CAMKMT: variants seen among roughly 807,000 people sequenced by gnomAD.
CAMKMT encodes the protein CaM KMT.
Under a neutral mutation model 48.0 loss-of-function variants are expected in CAMKMT, and 53 were observed. The observed-to-expected ratio is 1.10, with a 90% CI of 0.89 to 1.39. The LOEUF (loss-of-function observed/expected upper bound fraction) is 1.39, where lower values mean the gene tolerates loss of function less well. CAMKMT is among the 40% of genes most tolerant of loss of function. The pLI is 0.00. For missense variants in CAMKMT, 428 were observed against 402.7 expected (o/e 1.06, Z -0.54); for synonymous variants, 165 against 152.3 (o/e 1.08, Z -0.61).
At chr2:44,507,689 G>C (rs1174184483) in intron 3 of CAMKMT, among the ~76,000 whole-genome samples, 1 of 152,054 alleles carries the variant, frequency 6.6e-6, no homozygotes, top group East Asian at 1.9e-4. Context: ...ACATCGCTTT[G>C]TGATAGTTAC....
chr2:44,571,159 C>T (rs936201992), intron 3 of CAMKMT, among the ~76,000 whole-genome samples: 1 of 151,978 alleles, frequency 6.6e-6, no homozygotes, highest in Non-Finnish European at 1.5e-5. Flanking sequence ...TAAATCTAGT[C>T]GTTTTTACCA....
At chr2:44,470,109 A>G (rs1350572569) in intron 3 of CAMKMT, among the ~76,000 whole-genome samples, 1 of 151,988 alleles carries the variant, frequency 6.6e-6, no homozygotes, top group Admixed American at 6.6e-5. Context: ...TTCAACTGTA[A>G]TATTTCCTGC....
At chr2:44,540,740 G>A (rs1470741847) in intron 3 of CAMKMT, among the ~76,000 whole-genome samples, 1 of 152,192 alleles carries the variant, frequency 6.6e-6, no homozygotes, top group African/African-American at 2.4e-5. Context: ...AACACAGCAA[G>A]ACCCTATCTC....
intron 3 of CAMKMT, among the ~76,000 whole-genome samples, chr2:44,487,144 A>G (rs1327494018): frequency 6.6e-6 from 1 of 152,200 alleles, no homozygotes; most frequent in Non-Finnish European, 1.5e-5. Flanking sequence ...AAAAAAGTTT[A>G]TGTTAAAGTA....
At chr2:44,420,329 T>A (rs1683846113) in intron 3 of CAMKMT, among the ~76,000 whole-genome samples, 2 of 152,152 alleles carry the variant, frequency 1.3e-5, no homozygotes, top group South Asian at 4.1e-4. Context: ...CTTTCTTTAA[T>A]CTTAGAATCC....
intron 3 of CAMKMT, among the ~76,000 whole-genome samples, chr2:44,639,131 A>G (rs1673308727): frequency 1.3e-5 from 2 of 152,218 alleles, no homozygotes; most frequent in Admixed American, 1.3e-4. Flanking sequence ...TCCAGTCAAA[A>G]CGAAATAGTC....
At chr2:44,750,664 G>A (rs1173525265) in intron 8 of CAMKMT, among the ~76,000 whole-genome samples, 1 of 152,128 alleles carries the variant, frequency 6.6e-6, no homozygotes, top group East Asian at 1.9e-4. Context: ...AGGAATCAAC[G>A]TTTTCGTCTA....
intron 3 of CAMKMT, among the ~76,000 whole-genome samples, chr2:44,481,502 A>T (rs956549050): frequency 6.6e-6 from 1 of 151,960 alleles, no homozygotes; most frequent in African/African-American, 2.4e-5. Context: ...TTCCATTTTT[A>T]TTTTTGCAAT....
chr2:44,705,141 AT>A (rs891420952), intron 4 of CAMKMT, among the ~76,000 whole-genome samples: 1 of 152,054 alleles, frequency 6.6e-6, no homozygotes, highest in African/African-American at 2.4e-5. Flanking sequence ...AATAATATGT[AT>A]TTTTTTAAGC....
chr2:44,687,601 T>C (rs1053125878), intron 3 of CAMKMT, among the ~76,000 whole-genome samples: 1 of 152,218 alleles, frequency 6.6e-6, no homozygotes, highest in East Asian at 1.9e-4. Context: ...ACCTTTCAAA[T>C]CTGCAAAAAG....
intron 3 of CAMKMT, among the ~76,000 whole-genome samples, chr2:44,431,801 T>G (rs1008257838): frequency 2.0e-5 from 3 of 152,118 alleles, no homozygotes; most frequent in African/African-American, 7.2e-5. Context: ...GAAAACCAAG[T>G]GGTAATAGAC....
intron 7 of CAMKMT, among the ~76,000 whole-genome samples, chr2:44,729,962 G>A (rs973162082): frequency 6.6e-6 from 1 of 152,120 alleles, no homozygotes; most frequent in Non-Finnish European, 1.5e-5. Context: ...GATGTATGCC[G>A]AAGTTTGAAA....
At chr2:44,393,481 G>A (rs963112199) in intron 3 of CAMKMT, 3 of 152,082 alleles carry the variant, frequency 2.0e-5, no homozygotes, top group Non-Finnish European at 4.4e-5. Flanking sequence ...TATTTACTAT[G>A]GTGGAAAACA....
At chr2:44,646,799 T>C (rs1673758469) in intron 3 of CAMKMT, among the ~76,000 whole-genome samples, 1 of 152,128 alleles carries the variant, frequency 6.6e-6, no homozygotes, top group Non-Finnish European at 1.5e-5. Flanking sequence ...TTAGAGACAC[T>C]AGATTCTCCA....
At chr2:44,598,812 G>A (rs1036517359) in intron 3 of CAMKMT, among the ~76,000 whole-genome samples, 2 of 150,868 alleles carry the variant, frequency 1.3e-5, no homozygotes, top group Non-Finnish European at 2.9e-5. Flanking sequence ...TAAAGTCATG[G>A]TTTCACAATG....
At chr2:44,637,670 T>C (rs1039401524) in intron 3 of CAMKMT, among the ~76,000 whole-genome samples, 5 of 152,154 alleles carry the variant, frequency 3.3e-5, no homozygotes, top group African/African-American at 1.2e-4. Context: ...TCAGGTGTGA[T>C]TGCTTTGTTA....
At chr2:44,759,511 G>A (rs1680522588) in intron 9 of CAMKMT, among the ~76,000 whole-genome samples, 1 of 152,022 alleles carries the variant, frequency 6.6e-6, no homozygotes, top group African/African-American at 2.4e-5. Context: ...TTGTTTGCTT[G>A]TTTCAGGGAA....
intron 3 of CAMKMT, among the ~76,000 whole-genome samples, chr2:44,615,406 A>G (rs979617684): frequency 6.6e-6 from 1 of 152,230 alleles, no homozygotes; most frequent in Non-Finnish European, 1.5e-5. Flanking sequence ...GGCTATGGCC[A>G]GGGGAATCAA....
intron 3 of CAMKMT, among the ~76,000 whole-genome samples, chr2:44,560,649 A>G (rs1209609823): frequency 6.6e-6 from 1 of 152,184 alleles, no homozygotes; most frequent in East Asian, 1.9e-4. Flanking sequence ...AATATCTAAT[A>G]TTATATAGTT....
Sources: allele counts gnomAD v4.1 joint callset (sites outside exome capture counted in the v4.1 genomes callset), GRCh38; gene constraint gnomAD v4.1.1; transcripts MANE v1.5; gene names NCBI Gene and HGNC (gene_info 2026-07-23, HGNC 2026-07-21).